Variants in DNER observed in about 807,000 individuals in gnomAD.
DNER encodes the protein delta/notch like EGF repeat containing.
Under a neutral mutation model 78.2 loss-of-function variants are expected in DNER, and 33 were observed. The observed-to-expected ratio is 0.42, with a 90% confidence interval of 0.32 to 0.56. DNER has a LOEUF of 0.56. DNER is among the 20% of genes least tolerant of loss of function. The probability of loss-of-function intolerance (pLI) is 0.11; values close to 1 mark genes in which losing one functional copy is unlikely to be tolerated. For synonymous variants in DNER, 417 were observed against 384.8 expected, an observed-to-expected ratio of 1.08 and a Z score of -0.98; for missense variants, 918 against 975.3, an observed-to-expected ratio of 0.94 and a Z score of 0.78.
intron 1 of DNER, among the ~76,000 whole-genome samples, chr2:229,615,918 T>A (rs566869625): frequency 1.1e-4 from 16 of 152,238 alleles, no homozygotes; most frequent in African/African-American, 3.9e-4. Context: ...TGGACCTGCA[T>A]GTAGGAATCT....
intron 4 of DNER, among the ~76,000 whole-genome samples, chr2:229,577,576 A>AGTG (rs569266855): frequency 2.0e-5 from 3 of 152,168 alleles, no homozygotes; most frequent in Non-Finnish European, 4.4e-5. Context: ...CAGAGGCTGC[A>AGTG]GTGAGCAGAG....
intron 8 of DNER, among the ~76,000 whole-genome samples, chr2:229,420,398 T>C (rs569880549): frequency 2.0e-5 from 3 of 152,256 alleles, no homozygotes; most frequent in Non-Finnish European, 4.4e-5. Flanking sequence ...TGTTGATTGT[T>C]CCTTTGTTAT....
chr2:229,406,905 T>C (rs1416434382), intron 10 of DNER, among the ~76,000 whole-genome samples: 1 of 152,210 alleles, frequency 6.6e-6, no homozygotes, highest in Non-Finnish European at 1.5e-5. Context: ...TTCCATCTTC[T>C]GACTTTTATT....
intron 6 of DNER, among the ~76,000 whole-genome samples, chr2:229,506,372 C>G (rs1338341641): frequency 6.6e-6 from 1 of 152,102 alleles, no homozygotes. Flanking sequence ...TTAATTATCT[C>G]CACCTCATCC....
At chr2:229,666,234 C>T (rs1699090194) in intron 1 of DNER, among the ~76,000 whole-genome samples, 1 of 152,164 alleles carries the variant, frequency 6.6e-6, no homozygotes, top group African/African-American at 2.4e-5. Context: ...TTTACTTTCC[C>T]TTCCCTTGCA....
At chr2:229,399,842 C>T (rs749985373) in intron 10 of DNER, among the ~76,000 whole-genome samples, 16 of 151,844 alleles carry the variant, frequency 1.1e-4, no homozygotes, top group Non-Finnish European at 2.1e-4. Context: ...AATAAAAGAG[C>T]CTCCTCTAGT....
intron 1 of DNER, among the ~76,000 whole-genome samples, chr2:229,639,859 T>C (rs1177159254): frequency 6.6e-6 from 1 of 152,140 alleles, no homozygotes; most frequent in African/African-American, 2.4e-5. Context: ...AGTGTCGGAC[T>C]CAGGAGCTCA....
At chr2:229,372,724 C>A (rs1451369571) in intron 11 of DNER, among the ~76,000 whole-genome samples, 1 of 152,160 alleles carries the variant, frequency 6.6e-6, no homozygotes. Flanking sequence ...GGAGCAAGGA[C>A]AGAGGCTGGT....
intron 1 of DNER, among the ~76,000 whole-genome samples, chr2:229,625,898 TTTGTTGTTGTTG>T (rs370512119): frequency 1.1e-4 from 1 of 9,416 alleles, no homozygotes; most frequent in African/African-American, 1.8e-4. Context: ...TTTTGTTGTT[TTTGTTGTTGTTG>T]TTGTTGTTTG....
At position 229,714,302 on chromosome 2, in the gene DNER, G is replaced by A; in HGVS notation, c.122C>T (p.Pro41Leu). The A allele has an allele frequency of 7.7e-7, 1 of 1,305,106 alleles. No homozygotes were observed. The highest frequency in any genetic ancestry group is 3.2e-5 in the East Asian group (1 of 31,608). The allele number at this position is 1,305,106 out of a possible 1,614,324, so 80.8% of individuals were successfully genotyped here. The change falls in exon 1 of 13, where the codon CCC becomes CTC. Residue 41 changes from proline (P) to leucine (L), a missense_variant. By Grantham distance (98) the Pro-to-Leu change is moderately conservative. Coordinates refer to ENST00000341772, the MANE Select transcript of DNER (RefSeq NM_139072.4). ...SSLANPVPAA[P>L]LSAPGPCAAQ... ...GGCGCACGGCCCGGGCGCAGACAGG[G>A]GCGCGGCGGGCACCGGGTTGGCCAG...
intron 11 of DNER, among the ~76,000 whole-genome samples, chr2:229,376,702 T>A (rs1692610051): frequency 6.6e-6 from 1 of 152,206 alleles, no homozygotes; most frequent in African/African-American, 2.4e-5. Context: ...AGAGTGTGTA[T>A]AAAACTCTCA....
intron 1 of DNER, among the ~76,000 whole-genome samples, chr2:229,630,609 TTTA>T (rs1698418564): frequency 6.6e-6 from 1 of 151,950 alleles, no homozygotes; most frequent in African/African-American, 2.4e-5. Flanking sequence ...ACAGAGGCTT[TTTA>T]TTGACAGCAT....
chr2:229,464,935 GAAC>G (rs1383005521), intron 7 of DNER, among the ~76,000 whole-genome samples: 2 of 152,110 alleles, frequency 1.3e-5, no homozygotes, highest in Non-Finnish European at 2.9e-5. Flanking sequence ...TGGCATGTTT[GAAC>G]AACAACAAGA....
intron 1 of DNER, among the ~76,000 whole-genome samples, chr2:229,649,032 AAGTCAC>A (rs1698767413): frequency 6.6e-6 from 1 of 152,216 alleles, no homozygotes; most frequent in Non-Finnish European, 1.5e-5. Flanking sequence ...TGCTGTCCTG[AAGTCAC>A]TACATTTAAC....
At chr2:229,529,946 C>A (rs1302704057) in intron 5 of DNER, among the ~76,000 whole-genome samples, 1 of 151,922 alleles carries the variant, frequency 6.6e-6, no homozygotes, top group Admixed American at 6.6e-5. Flanking sequence ...GAGGTCAGGG[C>A]TGCAGTAATC....
intron 8 of DNER, among the ~76,000 whole-genome samples, chr2:229,426,358 G>A (rs1045876556): frequency 3.4e-5 from 5 of 149,054 alleles, no homozygotes; most frequent in Non-Finnish European, 4.4e-5. Context: ...GGAGAATGGC[G>A]TGAACCCAGG....
intron 7 of DNER, among the ~76,000 whole-genome samples, chr2:229,447,789 C>T (rs545633893): frequency 2.6e-5 from 4 of 152,020 alleles, no homozygotes; most frequent in Admixed American, 6.6e-5. Flanking sequence ...TACATACATA[C>T]GTGTACATGA....
intron 1 of DNER, among the ~76,000 whole-genome samples, chr2:229,700,860 T>C (rs1340376682): frequency 6.9e-6 from 1 of 145,460 alleles, no homozygotes. Flanking sequence ...GCCACTGCAC[T>C]CCAGCCTGGG....
At chr2:229,527,386 T>C (rs1042312956) in intron 5 of DNER, among the ~76,000 whole-genome samples, 8 of 152,236 alleles carry the variant, frequency 5.3e-5, no homozygotes, top group African/African-American at 1.7e-4. Flanking sequence ...AATGATCTAC[T>C]ATTCTCACTT....
Sources: gnomAD v4.1 joint callset for allele counts (sites outside exome capture counted in the v4.1 genomes callset) on GRCh38, gnomAD v4.1.1 for gene constraint, MANE v1.5 for transcripts, NCBI Gene and HGNC (gene_info 2026-07-23, HGNC 2026-07-21) for gene names.